POU6F2: variants seen among roughly 807,000 people sequenced by gnomAD.
POU6F2 encodes the protein POU domain, class 6, transcription factor 2.
Under a neutral mutation model 71.3 loss-of-function variants are expected in POU6F2, and 31 were observed. The observed-to-expected ratio is 0.43, with a 90% CI of 0.33 to 0.59. POU6F2 has a LOEUF of 0.59. POU6F2 is among the 20% of genes least tolerant of loss of function. The probability of loss-of-function intolerance (pLI) is 0.04; values close to 1 mark genes in which losing one functional copy is unlikely to be tolerated. For synonymous variants in POU6F2, 347 were observed against 355.7 expected (o/e 0.98, Z 0.27); for missense variants, 783 against 856.8 (o/e 0.91, Z 1.07).
intron 1 of POU6F2, among the ~76,000 whole-genome samples, chr7:38,984,583 C>T (rs547481981): frequency 1.3e-5 from 2 of 152,184 alleles, no homozygotes; most frequent in South Asian, 4.1e-4. Context: ...CACAGGAAAA[C>T]TAGAATTAAA....
At chr7:39,053,582 A>G (rs562249449) in intron 1 of POU6F2, among the ~76,000 whole-genome samples, 4 of 152,118 alleles carry the variant, frequency 2.6e-5, no homozygotes, top group Non-Finnish European at 5.9e-5. Flanking sequence ...TATGAAATGA[A>G]TATTTCATCT....
intron 4 of POU6F2, among the ~76,000 whole-genome samples, chr7:39,243,970 T>C (rs1783773226): frequency 6.6e-6 from 1 of 152,138 alleles, no homozygotes; most frequent in South Asian, 2.1e-4. Flanking sequence ...GAGAGGAGAC[T>C]TGAAGTTTTT....
chr7:39,015,908 T>TTATATATTGTATATTGA (rs1562670899), intron 1 of POU6F2, among the ~76,000 whole-genome samples: 6,739 of 46,016 alleles, frequency 0.15, 2,980 homozygotes, highest in East Asian at 0.37. Flanking sequence ...TAGATATATA[T>TTATATATTGTATATTGA]TATATATTAT....
At chr7:39,382,760 A>C (rs1018305011) in intron 5 of POU6F2, among the ~76,000 whole-genome samples, 7 of 152,204 alleles carry the variant, frequency 4.6e-5, no homozygotes, top group African/African-American at 1.7e-4. Context: ...TAGGGCACTA[A>C]GTCAGAAAAG....
chr7:39,410,802 G>A (rs1315890904), intron 6 of POU6F2, among the ~76,000 whole-genome samples: 7 of 152,080 alleles, frequency 4.6e-5, no homozygotes, highest in South Asian at 2.1e-4. Flanking sequence ...CATAGTTTCC[G>A]GAAAGCTATA....
At chr7:38,998,612 T>C in intron 1 of POU6F2, among the ~76,000 whole-genome samples, 1 of 152,036 alleles carries the variant, frequency 6.6e-6, no homozygotes, top group East Asian at 1.9e-4. Flanking sequence ...AGGAGAATTT[T>C]AGGAAAATTT....
rs566433145 is a variant in POU6F2 at position 39,133,621 on chromosome 7, G to A, written c.277+47590G>A. ...TTCTGCATTTGTTTACCAGTTTAAT[G>A]TGTGTTGCTCCCAGTAGAATGTAAA... On this transcript the variant is annotated intron_variant, in intron 2 of 9. Transcript: ENST00000518318. 2.6e-5 allele frequency among the ~76,000 whole-genome samples: 4 copies of A among 152,302 alleles called. No individual in the cohort carries two copies. The South Asian group carries it at 6.2e-4, about 24-fold the overall frequency.
intron 4 of POU6F2, among the ~76,000 whole-genome samples, chr7:39,270,161 G>T (rs1239221369): frequency 6.6e-6 from 1 of 152,142 alleles, no homozygotes; most frequent in Non-Finnish European, 1.5e-5. Flanking sequence ...TCCAGCGGGG[G>T]AGACCATTGA....
At chr7:39,457,964 A>T (rs568684221) in intron 8 of POU6F2, among the ~76,000 whole-genome samples, 73 of 152,170 alleles carry the variant, frequency 4.8e-4, no homozygotes, top group Admixed American at 2.6e-4. Context: ...CCCTGCAAGC[A>T]GCATTTTTAG....
At chr7:39,328,133 A>G (rs1785555315) in intron 4 of POU6F2, among the ~76,000 whole-genome samples, 1 of 152,122 alleles carries the variant, frequency 6.6e-6, no homozygotes, top group South Asian at 2.1e-4. Flanking sequence ...GTTGGCCAGG[A>G]TGGTCTTGAT....
chr7:38,994,730 T>G (rs765107373), intron 1 of POU6F2, among the ~76,000 whole-genome samples: 6 of 152,206 alleles, frequency 3.9e-5, no homozygotes, highest in Non-Finnish European at 7.3e-5. Flanking sequence ...CCTGGTTCCC[T>G]GGTTCAGTCC....
intron 5 of POU6F2, among the ~76,000 whole-genome samples, chr7:39,393,199 T>C (rs1787108815): frequency 6.6e-6 from 1 of 152,224 alleles, no homozygotes; most frequent in South Asian, 2.1e-4. Flanking sequence ...CAGAGAAGGA[T>C]TTTATTTCCC....
rs572882243 is a variant in POU6F2 at position 39,192,270 on chromosome 7, G to C, written c.278-11965G>C. Among the ~76,000 whole-genome samples the C allele has an allele frequency of 1.2e-4, 18 of 152,308 alleles. No individual in the cohort carries two copies. The South Asian group carries it at 3.7e-3, about 32-fold the overall frequency. Reference sequence around the variant, plus strand: ...CACCAATTTTGAGTTGCACACAAGAGTGGATTGCAAATGCTACCCTTTTGG... The same window carrying C: ...CACCAATTTTGAGTTGCACACAAGACTGGATTGCAAATGCTACCCTTTTGG... On this transcript the variant is annotated intron_variant, in intron 2 of 9. Coordinates refer to ENST00000518318, the MANE Select transcript of POU6F2 (RefSeq NM_001370959.1).
chr7:39,001,809 A>AGTGATGTGATGATAGTCATG (rs1287698804), intron 1 of POU6F2, among the ~76,000 whole-genome samples: 2 of 151,634 alleles, frequency 1.3e-5, no homozygotes, highest in Non-Finnish European at 2.9e-5. Context: ...TGGTGATGGT[A>AGTGATGTGATGATAGTCATG]GTGATGTGAT....
chr7:39,378,699 A>G (rs1027946671), intron 5 of POU6F2, among the ~76,000 whole-genome samples: 3 of 152,246 alleles, frequency 2.0e-5, no homozygotes, highest in Admixed American at 2.0e-4. Context: ...TACATTGGTT[A>G]TCATCCTTGC....
chr7:39,368,981 G>A lies in POU6F2; in HGVS notation c.972+28966G>A, dbSNP rs1055886430. ...TATAATAGCAAGAGAACTAGAATTA[G>A]AAGTGAAGCCTAAAGATGTGACAGA... On this transcript the variant is annotated intron_variant, in intron 5 of 9. Transcript: ENST00000518318. Among the ~76,000 whole-genome samples, 3 of 152,302 alleles carry A rather than the reference G, an allele frequency of 2.0e-5. No individual in the cohort carries two copies. In the South Asian group the frequency reaches 6.2e-4, roughly 32 times the overall value.
At position 39,298,919 on chromosome 7, in the gene POU6F2, C is replaced by T. The variant is rs139593368; in HGVS notation, c.599-40723C>T. 6.8e-4 allele frequency among the ~76,000 whole-genome samples: 103 copies of T among 152,272 alleles called. 2 individuals carry two copies. The East Asian group carries it at 0.019, about 29-fold the overall frequency. The stretch of plus-strand genomic sequence containing the variant: ...ACTAACACAGGAGCAGAAAACCAAA[C>T]ACCACATGTTCTCACTTGTAAGTGG... On this transcript the variant is annotated intron_variant, in intron 4 of 9. Transcript: ENST00000518318.
At chr7:39,334,281 G>A (rs1353855611) in intron 4 of POU6F2, among the ~76,000 whole-genome samples, 1 of 152,040 alleles carries the variant, frequency 6.6e-6, no homozygotes, top group Non-Finnish European at 1.5e-5. Flanking sequence ...TTGTTGCCAA[G>A]AATAAAGACA....
At chr7:39,156,607 A>G (rs1043408483) in intron 2 of POU6F2, among the ~76,000 whole-genome samples, 5 of 152,100 alleles carry the variant, frequency 3.3e-5, no homozygotes, top group African/African-American at 9.7e-5. Context: ...ACTTTAATAC[A>G]TGGAGGACTT....
Sources: gnomAD v4.1 joint callset for allele counts (sites outside exome capture counted in the v4.1 genomes callset) on GRCh38, gnomAD v4.1.1 for gene constraint, MANE v1.5 for transcripts, NCBI Gene and HGNC (gene_info 2026-07-23, HGNC 2026-07-21) for gene names.